DNAH11: variants seen among roughly 807,000 people sequenced by gnomAD.
DNAH11 encodes the protein axonemal beta dynein heavy chain 11.
Under a neutral mutation model 526.0 loss-of-function variants are expected in DNAH11, and 442 were observed. The observed-to-expected ratio is 0.84, with a 90% confidence interval of 0.78 to 0.91. The LOEUF (loss-of-function observed/expected upper bound fraction) is 0.91. Ranked by LOEUF, DNAH11 falls within the 40% of genes least tolerant of loss-of-function variation. DNAH11 has a pLI of 0.00. For synonymous variants in DNAH11, 2,461 were observed against 1,935.9 expected, an observed-to-expected ratio of 1.27 and a Z score of -7.12; for missense variants, 6,989 against 5,448.7, an observed-to-expected ratio of 1.28 and a Z score of -8.90.
intron 9 of DNAH11, among the ~76,000 whole-genome samples, chr7:21,586,468 G>T (rs1179003677): frequency 1.3e-5 from 2 of 152,252 alleles, no homozygotes; most frequent in East Asian, 3.9e-4. Context: ...AGTTATAATT[G>T]CTGTCACCAG....
intron 54 of DNAH11, among the ~76,000 whole-genome samples, chr7:21,750,790 C>G (rs1786379743): frequency 6.6e-6 from 1 of 152,104 alleles, no homozygotes. Flanking sequence ...GAGGAACTTT[C>G]AGGGACGGGA....
chr7:21,870,174 G>C (rs1183097622), intron 73 of DNAH11, among the ~76,000 whole-genome samples: 5 of 152,194 alleles, frequency 3.3e-5, no homozygotes, highest in African/African-American at 1.2e-4. Context: ...GGATGGCAGA[G>C]CTGGTACTTC....
chr7:21,855,576 A>C (rs773477640), intron 68 of DNAH11, among the ~76,000 whole-genome samples: 2 of 152,238 alleles, frequency 1.3e-5, no homozygotes, highest in Non-Finnish European at 2.9e-5. Context: ...AACTTTAAAT[A>C]AATTGCCCAA....
intron 25 of DNAH11, among the ~76,000 whole-genome samples, chr7:21,634,981 C>A (rs16872823): frequency 6.6e-6 from 1 of 151,866 alleles, no homozygotes; most frequent in Non-Finnish European, 1.5e-5. Context: ...GAAACAAAAA[C>A]CACATTAATT....
chr7:21,671,193 T>C (rs1290390130), intron 30 of DNAH11, among the ~76,000 whole-genome samples: 1 of 152,202 alleles, frequency 6.6e-6, no homozygotes, highest in African/African-American at 2.4e-5. Flanking sequence ...TCTTCCTTTC[T>C]TGTGTCAGTT....
rs566490774 is a variant in DNAH11 at position 21,773,913 on chromosome 7, C to G, written c.9250C>G (p.Leu3084Val). The change falls in exon 56 of 82, where the codon CTG becomes GTG. Residue 3084 changes from leucine to valine, a missense_variant. Coordinates refer to ENST00000409508, the MANE Select transcript of DNAH11 (RefSeq NM_001277115.2). ...AGAACAAATATCACTGTTTAAGAAC[C>G]TGTTGAAGAAGAAGCAAAATGAGGT... ...FLEQISLFKN[L>V]LKKKQNEVSE... The G allele has an allele frequency of 6.3e-6, 10 of 1,599,972 alleles. No homozygotes were observed. In the East Asian group the frequency reaches 2.3e-4, roughly 36 times the overall value.
In DNAH11 at chr7:21,711,798, C is replaced by T. The variant is rs764765425; in HGVS notation, c.6921C>T (p.Thr2307=). 5 of 1,613,864 alleles carry T rather than the reference C, an allele frequency of 3.1e-6. No individual in the cohort carries two copies. Among genetic ancestry groups the T allele is most frequent in the South Asian group, 1.1e-5 (1 of 91,082 alleles). ...AGATACATCACTTAAGGAGCGCAAC[C>T]CCGGCCACTGTTTCCAGAGCTGGTA... is the stretch of plus-strand genomic sequence containing the variant. ...LFEIHHLRSA[T]PATVSRAGIL... Residue 2307 remains threonine (T), a synonymous_variant, in exon 42 of 82, where the codon ACC becomes ACT. Transcript: ENST00000409508.
chr7:21,701,895 G>C (rs1216759671), intron 36 of DNAH11, among the ~76,000 whole-genome samples: 1 of 152,158 alleles, frequency 6.6e-6, no homozygotes, highest in African/African-American at 2.4e-5. Context: ...ACATTTGAGA[G>C]ATGGGTTGTT....
At chr7:21,734,809 C>G (rs183205710) in intron 45 of DNAH11, among the ~76,000 whole-genome samples, 399 of 148,540 alleles carry the variant, frequency 2.7e-3, no homozygotes, top group African/African-American at 9.3e-3. Flanking sequence ...AGTTAGCCAT[C>G]ATCACGCCAC....
At chr7:21,780,474 G>T (rs1787895509) in intron 57 of DNAH11, among the ~76,000 whole-genome samples, 1 of 152,070 alleles carries the variant, frequency 6.6e-6, no homozygotes. Flanking sequence ...TCTACCCAGG[G>T]AATATTTTTC....
intron 44 of DNAH11, among the ~76,000 whole-genome samples, chr7:21,722,602 C>T (rs1195274761): frequency 6.6e-6 from 1 of 152,128 alleles, no homozygotes; most frequent in Non-Finnish European, 1.5e-5. Context: ...ATTCACTTGG[C>T]CTCCTAGATC....
Position 21,591,565 on chromosome 7 carries a change from C to G in DNAH11, c.2655C>G (p.His885Gln), listed in dbSNP as rs765279163. The G allele has an allele frequency of 6.4e-7, 1 of 1,566,026 alleles. No homozygotes were observed. Among genetic ancestry groups the G allele is most frequent in the East Asian group, 2.3e-5 (1 of 44,204 alleles). Residue 885 changes from histidine to glutamine, a missense_variant, in exon 14 of 82, where the codon CAC becomes CAG. Physicochemically the swap from His to Gln is conservative, Grantham distance 24. Transcript: ENST00000409508. Reference sequence around the variant, plus strand: ...TCCAAGGAGATGGCTGCAAGATCCACAACTTGGTCGAGGTAATGGCTTTTA... The same window carrying G: ...TCCAAGGAGATGGCTGCAAGATCCAGAACTTGGTCGAGGTAATGGCTTTTA... ...KLIQGDGCKI[H>Q]NLVEENRKLF...
chr7:21,623,787 G>A (rs1345078080), intron 25 of DNAH11, among the ~76,000 whole-genome samples: 1 of 151,250 alleles, frequency 6.6e-6, no homozygotes, highest in African/African-American at 2.4e-5. Context: ...GACACAGGAA[G>A]GGGAACATCA....
intron 8 of DNAH11, among the ~76,000 whole-genome samples, chr7:21,572,758 T>A (rs1000217206): frequency 2.0e-5 from 3 of 152,218 alleles, no homozygotes; most frequent in Non-Finnish European, 4.4e-5. Flanking sequence ...TTAAGCCCTC[T>A]GAATTATAGT....
chr7:21,563,508 TA>T (rs908161433), intron 5 of DNAH11, among the ~76,000 whole-genome samples: 13 of 152,136 alleles, frequency 8.5e-5, no homozygotes, highest in African/African-American at 3.1e-4. Context: ...CTGTAGCATT[TA>T]AAAAAAATAT....
At chr7:21,869,542 C>T (rs1783419403) in intron 73 of DNAH11, among the ~76,000 whole-genome samples, 1 of 152,048 alleles carries the variant, frequency 6.6e-6, no homozygotes, top group Non-Finnish European at 1.5e-5. Context: ...TGCTAACACA[C>T]CCCAACCTCA....
chr7:21,662,025 G>T (rs1409418173), intron 30 of DNAH11, among the ~76,000 whole-genome samples: 1 of 151,944 alleles, frequency 6.6e-6, no homozygotes, highest in African/African-American at 2.4e-5. Context: ...CACCATGTTG[G>T]CCAGGCTGGT....
At chr7:21,777,934 T>A (rs1213368764) in intron 56 of DNAH11, among the ~76,000 whole-genome samples, 4 of 152,198 alleles carry the variant, frequency 2.6e-5, no homozygotes, top group Non-Finnish European at 5.9e-5. Flanking sequence ...TCTTTAGCAT[T>A]TGAGTTAAAA....
chr7:21,628,910 G>T (rs1024659557), intron 25 of DNAH11, among the ~76,000 whole-genome samples: 11 of 151,862 alleles, frequency 7.2e-5, no homozygotes, highest in African/African-American at 2.7e-4. Context: ...ATTTGTTTCA[G>T]CTCTCATCCT....
Sources: allele counts gnomAD v4.1 joint callset (sites outside exome capture counted in the v4.1 genomes callset), GRCh38; gene constraint gnomAD v4.1.1; transcripts MANE v1.5; gene names NCBI Gene and HGNC (gene_info 2026-07-23, HGNC 2026-07-21).